Variants in ENAH observed in about 807,000 individuals in gnomAD.
The protein encoded by ENAH is ENAH actin regulator, also known as protein enabled homolog.
Under a neutral mutation model 78.7 loss-of-function variants are expected in ENAH, and 23 were observed. The ratio of observed to expected loss-of-function variants is 0.29; its 90% CI spans 0.21 to 0.41. ENAH has a LOEUF of 0.41. Among genes scored for constraint, ENAH ranks in the 10% least tolerant of loss-of-function variants. The probability of loss-of-function intolerance (pLI) is 1.00; values close to 1 mark genes in which losing one functional copy is unlikely to be tolerated. For missense variants in ENAH, 544 were observed against 691.0 expected (o/e 0.79, Z 2.39); for synonymous variants, 226 against 241.0 (o/e 0.94, Z 0.58).
chr1:225,523,515 C>T (rs949309984), intron 4 of ENAH, among the ~76,000 whole-genome samples: 1 of 152,050 alleles, frequency 6.6e-6, no homozygotes, highest in African/African-American at 2.4e-5. Context: ...ACAGATGATT[C>T]AAGCAGGCAA....
At chr1:225,522,340 AAC>A (rs1327886310) in intron 4 of ENAH, among the ~76,000 whole-genome samples, 1 of 152,168 alleles carries the variant, frequency 6.6e-6, no homozygotes, top group Non-Finnish European at 1.5e-5. Context: ...GCTCTCATAA[AAC>A]ACACACCCTC....
intron 3 of ENAH, 132 bp downstream of exon 3, chr1:225,554,774 A>C (rs1294268109): frequency 1.4e-6 from 1 of 703,950 alleles, no homozygotes; most frequent in Non-Finnish European, 2.1e-6. Flanking sequence ...AAATATATAC[A>C]AGATCTAAAA....
chr1:225,599,442 T>C (rs920072340), intron 1 of ENAH, among the ~76,000 whole-genome samples: 3 of 152,186 alleles, frequency 2.0e-5, no homozygotes, highest in Admixed American at 6.5e-5. Context: ...GCCTGTGTTA[T>C]TCACACTGCG....
At chr1:225,645,268 C>T (rs1661749798) in intron 1 of ENAH, among the ~76,000 whole-genome samples, 1 of 152,204 alleles carries the variant, frequency 6.6e-6, no homozygotes, top group Admixed American at 6.5e-5. Flanking sequence ...CTATTCTGGG[C>T]ATTTCATATA....
In ENAH at chr1:225,513,009, T is replaced by C. The variant is rs769288042; in HGVS notation, c.1226A>G (p.Asp409Gly). 15 of 1,611,858 alleles carry C rather than the reference T, an allele frequency of 9.3e-6. No individual in the cohort carries two copies. The highest frequency in any genetic ancestry group is 1.3e-5 in the Non-Finnish European group (15 of 1,179,258). The change falls in exon 8 of 14, where the codon GAT (aspartate) becomes GGT (glycine). Residue 409 changes from aspartate to glycine, a missense_variant. Asp to Gly is a moderately conservative substitution (Grantham distance 94, BLOSUM62 -1). This residue lies in a region of ENAH where 366 missense variants were observed against 396.1 expected (regional missense o/e 0.92). Transcript: ENST00000366843. ...ATTCCCTCCACTTGGGAAAGAGGTA[T>C]CCTCCATCTTAATGAGAATATACAG... is the stretch of plus-strand genomic sequence containing the variant. ...AKLRKVSRME[D>G]TSFPSGGNAI...
In ENAH at chr1:225,514,583, GA is replaced by G; in HGVS notation, c.1218+12del. On this transcript the variant is annotated intron_variant, in intron 7 of 13. Transcript: ENST00000366843. ...TAAGACATATTAAAAAAATTTTTCA[GA>G]AAGGTATTTACCCGTGACACTTTCC... 1 of 1,608,648 alleles carries G rather than the reference GA, an allele frequency of 6.2e-7. No homozygotes were observed. The highest frequency in any genetic ancestry group is 8.5e-7 in the Non-Finnish European group (1 of 1,178,042).
chr1:225,572,200 CTG>C (rs2096766418), intron 1 of ENAH, among the ~76,000 whole-genome samples: 1 of 152,034 alleles, frequency 6.6e-6, no homozygotes, highest in Non-Finnish European at 1.5e-5. Flanking sequence ...CGAGAAGAGA[CTG>C]TTGAAGTAAG....
chr1:225,539,507 CTAATT>C (rs1274137353), intron 3 of ENAH, among the ~76,000 whole-genome samples: 1 of 152,174 alleles, frequency 6.6e-6, no homozygotes, highest in Non-Finnish European at 1.5e-5. Flanking sequence ...TTAGCATCAT[CTAATT>C]AAGTTGCCCA....
At chr1:225,621,694 C>T (rs1656991941) in intron 1 of ENAH, among the ~76,000 whole-genome samples, 1 of 152,198 alleles carries the variant, frequency 6.6e-6, no homozygotes, top group Non-Finnish European at 1.5e-5. Flanking sequence ...GTTAACCGCA[C>T]ACATCAAATA....
chr1:225,493,107 A>T lies in ENAH; in HGVS notation c.*4668T>A, dbSNP rs2096230784. Reference sequence around the variant, plus strand: ...TTCTTTCTAATCAATTTTAGGTTTTAATTTGAAGGTTTCATCTTTCCAGTA... The same window carrying T: ...TTCTTTCTAATCAATTTTAGGTTTTTATTTGAAGGTTTCATCTTTCCAGTA... On this transcript the variant is annotated 3_prime_UTR_variant, in exon 14 of 14. Coordinates refer to ENST00000366843, the MANE Select transcript of ENAH (RefSeq NM_018212.6). The T allele has an allele frequency of 1.3e-5, 2 of 152,188 alleles. No individual in the cohort carries two copies. The highest frequency in any genetic ancestry group is 4.8e-5 in the African/African-American group (2 of 41,448). 9.4% of individuals were successfully genotyped at this position (152,188 alleles called of 1,614,324 possible). A position where few individuals can be genotyped will look rare whatever the true frequency, so the allele number is the denominator to read the frequency against.
intron 2 of ENAH, among the ~76,000 whole-genome samples, chr1:225,566,116 A>C (rs1293778637): frequency 6.6e-6 from 1 of 151,972 alleles, no homozygotes; most frequent in African/African-American, 2.4e-5. Context: ...TGCTTAAGTG[A>C]AGGAGTTTCT....
intron 1 of ENAH, among the ~76,000 whole-genome samples, chr1:225,619,544 A>T (rs1656425761): frequency 6.6e-6 from 1 of 152,158 alleles, no homozygotes; most frequent in African/African-American, 2.4e-5. Context: ...ACCCCATCTC[A>T]AAAACAGAAA....
chr1:225,528,325 T>C (rs1313655680), intron 4 of ENAH, among the ~76,000 whole-genome samples: 4 of 152,022 alleles, frequency 2.6e-5, no homozygotes, highest in African/African-American at 9.7e-5. Context: ...AGAAAGGATA[T>C]GAGAAGGACA....
chr1:225,501,102 C>A, intron 11 of ENAH, 32 bp from the exon 12 acceptor site: 3 of 1,551,524 alleles, frequency 1.9e-6, no homozygotes, highest in Non-Finnish European at 2.7e-6. Context: ...GACAGGTAAA[C>A]AACATTCTTA....
At position 225,517,945 on chromosome 1, in the gene ENAH, T is replaced by G. The variant is rs901005338; in HGVS notation, c.803-639A>C. On this transcript the variant is annotated intron_variant, in intron 5 of 13. Coordinates refer to ENST00000366843, the MANE Select transcript of ENAH (RefSeq NM_018212.6). Reference sequence around the variant, plus strand: ...TGCTGAAGGAGGCTGGCAACTGGAATACTCAGGAAGTGGAGCGTTATACAG... The same window carrying G: ...TGCTGAAGGAGGCTGGCAACTGGAAGACTCAGGAAGTGGAGCGTTATACAG... 18 of 1,548,440 alleles carry G rather than the reference T, an allele frequency of 1.2e-5. No individual in the cohort carries two copies. The Admixed American group carries it at 3.5e-4, about 30-fold the overall frequency.
At chr1:225,533,992 A>G (rs2096550107) in intron 3 of ENAH, among the ~76,000 whole-genome samples, 1 of 152,154 alleles carries the variant, frequency 6.6e-6, no homozygotes, top group Admixed American at 6.6e-5. Context: ...TTTTTAACAC[A>G]TTATTTTACA....
chr1:225,567,774 A>C (rs61850574), intron 1 of ENAH, among the ~76,000 whole-genome samples: 5,211 of 152,294 alleles, frequency 0.034, 120 homozygotes, highest in Non-Finnish European at 0.053. Context: ...TTTAATGGCA[A>C]AAACTGCAAT....
At chr1:225,598,540 GTTTTT>G (rs34057900) in intron 1 of ENAH, among the ~76,000 whole-genome samples, 1 of 151,662 alleles carries the variant, frequency 6.6e-6, no homozygotes, top group Non-Finnish European at 1.5e-5. Context: ...ACATTACTGA[GTTTTT>G]TTTAATCAAC....
chr1:225,498,242 T>C (rs2096260647), intron 13 of ENAH, 105 bp downstream of exon 13: 10 of 877,194 alleles, frequency 1.1e-5, no homozygotes, highest in Non-Finnish European at 1.6e-5. Context: ...ATGGAAGTCA[T>C]TGCCCTCAAC....
Sources: gnomAD v4.1 joint callset for allele counts (sites outside exome capture counted in the v4.1 genomes callset) on GRCh38, gnomAD v4.1.1 for gene constraint, gnomAD v4.1.1 regional missense constraint, MANE v1.5 for transcripts, NCBI Gene and HGNC (gene_info 2026-07-23, HGNC 2026-07-21) for gene names.